Variants in CACNA1S observed in about 807,000 individuals in gnomAD.
CACNA1S encodes the protein voltage-dependent L-type calcium channel subunit alpha-1S.
In CACNA1S, 126 loss-of-function variants were observed where a neutral mutation model predicts 207.4. The observed-to-expected ratio is 0.61, with a 90% confidence interval of 0.53 to 0.70. The LOEUF is 0.70. Among genes scored for constraint, CACNA1S ranks in the 30% least tolerant of loss-of-function variants. The pLI, the probability that CACNA1S is intolerant of heterozygous loss-of-function variation, is 0.00. For synonymous variants in CACNA1S, 960 were observed against 932.7 expected, an observed-to-expected ratio of 1.03 and a Z score of -0.53; for missense variants, 2,349 against 2,422.8, an observed-to-expected ratio of 0.97 and a Z score of 0.64.
In CACNA1S at chr1:201,041,338, G is replaced by T. The variant is rs533328459; in HGVS notation, c.5134+166C>A. ...GCCCTGCTTCCCCCCTGGACAAGTA[G>T]CTGGTCCTGATGGTTTTCCCATTCC... On this transcript the variant is annotated intron_variant, in intron 41 of 43. Coordinates refer to ENST00000362061, the MANE Select transcript of CACNA1S (RefSeq NM_000069.3). Among the ~76,000 whole-genome samples, 4 of 152,312 alleles carry T rather than the reference G, an allele frequency of 2.6e-5. No homozygotes were observed. In the South Asian group the frequency reaches 8.3e-4, roughly 32 times the overall value.
At chr1:201,085,181 A>T in intron 8 of CACNA1S, 150 bp from the exon 9 acceptor site, 2 of 753,962 alleles carry the variant, frequency 2.7e-6, no homozygotes. Flanking sequence ...TGCTTTCCAG[A>T]GACTGAGAGT....
chr1:201,040,451 G>T, intron 42 of CACNA1S, 77 bp from the exon 43 acceptor site: 1 of 1,571,908 alleles, frequency 6.4e-7, no homozygotes, highest in Non-Finnish European at 8.7e-7. Context: ...CAGATCATCT[G>T]AGGGCAACTC....
intron 42 of CACNA1S, 37 bp from the exon 43 acceptor site, chr1:201,040,411 G>A: frequency 6.2e-7 from 1 of 1,609,338 alleles, no homozygotes; most frequent in East Asian, 2.2e-5. Context: ...CCCCGACAGG[G>A]GTGCTGGAGC....
At chr1:201,076,816 A>G (rs1291635764) in intron 12 of CACNA1S, 104 bp downstream of exon 12, 1 of 1,060,766 alleles carries the variant, frequency 9.4e-7, no homozygotes. Context: ...CCAGCAGATC[A>G]GACAAGGCTT....
intron 7 of CACNA1S, among the ~76,000 whole-genome samples, chr1:201,086,473 G>A (rs900787440): frequency 3.9e-5 from 6 of 152,184 alleles, no homozygotes; most frequent in African/African-American, 9.7e-5. Flanking sequence ...TGGGAGAGCC[G>A]ACTACACATC....
chr1:201,082,763 T>G (rs751290945), intron 10 of CACNA1S, among the ~76,000 whole-genome samples: 2 of 152,200 alleles, frequency 1.3e-5, no homozygotes, highest in African/African-American at 2.4e-5. Context: ...CAATAAATAG[T>G]TGGTGAAAGA....
intron 16 of CACNA1S, among the ~76,000 whole-genome samples, chr1:201,070,714 A>G (rs926156521): frequency 2.0e-5 from 3 of 152,118 alleles, no homozygotes; most frequent in Non-Finnish European, 4.4e-5. Context: ...TCAAATATCC[A>G]TAGGCTGGGG....
At chr1:201,050,890 G>A (rs1660624374) in intron 33 of CACNA1S, 94 bp downstream of exon 33, 1 of 1,291,602 alleles carries the variant, frequency 7.7e-7, no homozygotes. Context: ...AATCCCAGGA[G>A]AGGTGGAAAC....
intron 18 of CACNA1S, 133 bp from the exon 19 acceptor site, chr1:201,069,329 T>G (rs901983762): frequency 6.8e-5 from 96 of 1,406,898 alleles, no homozygotes; most frequent in Non-Finnish European, 9.1e-5. Flanking sequence ...AGGAGTGGAG[T>G]GGGCAGTCCT....
In CACNA1S at chr1:201,040,298, T is replaced by C. The variant is rs1255660415; in HGVS notation, c.5303A>G (p.His1768Arg). 1 of 1,613,900 alleles carries C rather than the reference T, an allele frequency of 6.2e-7. No homozygotes were observed. The highest frequency in any genetic ancestry group is 8.5e-7 in the Non-Finnish European group (1 of 1,179,938). Reference sequence around the variant, plus strand: ...AGTATTCTCCCTGGTGCTCCTGCTGTGGGGTGTCTCCTCATGAAGAGACCC... The same window carrying C: ...AGTATTCTCCCTGGTGCTCCTGCTGCGGGGTGTCTCCTCATGAAGAGACCC... ...TPGSLHEETP[H>R]SRSTRENTSR... Residue 1768 changes from histidine to arginine, a missense_variant, in exon 43 of 44, where the codon CAC becomes CGC. Transcript: ENST00000362061.
intron 11 of CACNA1S, 100 bp downstream of exon 11, chr1:201,077,779 T>C: frequency 9.1e-6 from 7 of 773,244 alleles, no homozygotes; most frequent in South Asian, 6.6e-5. Context: ...GTGGTGAACC[T>C]GCACAGATCC....
intron 2 of CACNA1S, among the ~76,000 whole-genome samples, chr1:201,103,664 G>A (rs1482657214): frequency 6.6e-6 from 1 of 152,160 alleles, no homozygotes; most frequent in Non-Finnish European, 1.5e-5. Flanking sequence ...AGTGGCCCAG[G>A]CTCAAACCAC....
intron 2 of CACNA1S, among the ~76,000 whole-genome samples, chr1:201,098,500 G>T (rs537094068): frequency 3.7e-4 from 56 of 152,134 alleles, no homozygotes; most frequent in African/African-American, 1.2e-3. Context: ...GGCCATGATG[G>T]AGTAGAAATT....
At chr1:201,089,938 C>A (rs1662167486) in intron 5 of CACNA1S, among the ~76,000 whole-genome samples, 2 of 152,222 alleles carry the variant, frequency 1.3e-5, no homozygotes, top group Non-Finnish European at 2.9e-5. Flanking sequence ...CAGGGGTCTG[C>A]ACTCAGGGGA....
chr1:201,087,721 C>T (rs1662084889), intron 7 of CACNA1S, 105 bp downstream of exon 7: 3 of 761,234 alleles, frequency 3.9e-6, no homozygotes, highest in Non-Finnish European at 6.8e-6. Context: ...TCTCCACTCG[C>T]CCCCCACCCC....
Position 201,039,978 on chromosome 1 carries a change from C to T in CACNA1S, c.5475G>A (p.Val1825=). ...ADACQMEPEE[V]EIMATELLKG... is the part of the protein sequence containing the mutation. ...TCAGTAGCTCTGTTGCCATGATCTC[C>T]ACTTCCTCTGGTTCCATTTGGCAGG... Residue 1825 remains valine, a synonymous_variant, in exon 44 of 44, where the codon GTG becomes GTA. Transcript: ENST00000362061. 2 of 1,614,254 alleles carry T rather than the reference C, an allele frequency of 1.2e-6. No individual in the cohort carries two copies. Among genetic ancestry groups the T allele is most frequent in the Non-Finnish European group, 1.7e-6 (2 of 1,180,044 alleles).
intron 10 of CACNA1S, among the ~76,000 whole-genome samples, chr1:201,079,671 A>C (rs1208457814): frequency 6.6e-6 from 1 of 151,338 alleles, no homozygotes; most frequent in Non-Finnish European, 1.5e-5. Flanking sequence ...GGCCTTGAAC[A>C]TTCCTAGGCA....
chr1:201,112,155 A>T, intron 1 of CACNA1S, 33 bp downstream of exon 1: 1 of 1,439,940 alleles, frequency 6.9e-7, no homozygotes, highest in Non-Finnish European at 9.5e-7. Flanking sequence ...CATGACGCAC[A>T]CCCCCCCCCA....
intron 24 of CACNA1S, 89 bp from the exon 25 acceptor site, chr1:201,061,557 T>C: frequency 3.1e-6 from 4 of 1,279,542 alleles, no homozygotes; most frequent in Non-Finnish European, 4.4e-6. Flanking sequence ...TCCCACTGGC[T>C]GTGGAGAGCC....
Sources: gnomAD v4.1 joint callset for allele counts (sites outside exome capture counted in the v4.1 genomes callset) on GRCh38, gnomAD v4.1.1 for gene constraint, MANE v1.5 for transcripts, NCBI Gene and HGNC (gene_info 2026-07-23, HGNC 2026-07-21) for gene names.